The following CDH11 variants were observed in gnomAD, a reference collection of about 807,000 sequenced individuals.
The protein encoded by CDH11 is cadherin-11.
CDH11 carries 11 observed loss-of-function variants against 67.8 expected under a neutral mutation model. That is an observed-to-expected ratio of 0.16 (90% CI 0.10 to 0.27). The LOEUF (loss-of-function observed/expected upper bound fraction) is 0.27, where lower values mean the gene tolerates loss of function less well. Among genes scored for constraint, CDH11 ranks in the 10% least tolerant of loss-of-function variants. The probability of loss-of-function intolerance (pLI) is 1.00; values close to 1 mark genes in which losing one functional copy is unlikely to be tolerated. For synonymous variants in CDH11, 419 were observed against 400.0 expected (o/e 1.05, Z -0.57); for missense variants, 847 against 1,031.2 (o/e 0.82, Z 2.45).
chr16:64,970,302 T>C (rs577440440), intron 11 of CDH11, among the ~76,000 whole-genome samples: 2 of 152,280 alleles, frequency 1.3e-5, no homozygotes, highest in South Asian at 4.1e-4. Flanking sequence ...AATCAAATCA[T>C]AGACCCTCAA....
intron 2 of CDH11, among the ~76,000 whole-genome samples, chr16:65,016,394 G>A (rs945537491): frequency 3.3e-5 from 5 of 152,014 alleles, no homozygotes; most frequent in Non-Finnish European, 1.5e-5. Flanking sequence ...TAGTACAAAC[G>A]CAGAGCATTT....
At chr16:65,028,493 T>G (rs1261044263) in intron 2 of CDH11, among the ~76,000 whole-genome samples, 2 of 152,010 alleles carry the variant, frequency 1.3e-5, no homozygotes. Context: ...ATACTTGCCC[T>G]CTCCCCTCCA....
chr16:65,036,793 A>T (rs2073763735), intron 2 of CDH11, among the ~76,000 whole-genome samples: 1 of 152,184 alleles, frequency 6.6e-6, no homozygotes, highest in Non-Finnish European at 1.5e-5. Flanking sequence ...CCAATGGAAG[A>T]TACACTTTGA....
chr16:65,054,276 A>T (rs2074107954), intron 1 of CDH11, among the ~76,000 whole-genome samples: 1 of 152,192 alleles, frequency 6.6e-6, no homozygotes, highest in Admixed American at 6.5e-5. Flanking sequence ...GAAAACTTAG[A>T]GCCCATTTCT....
chr16:64,971,923 A>G lies in CDH11; in HGVS notation c.1524+8T>C. On this transcript the variant is annotated splice_region_variant and intron_variant, in intron 10 of 12. Transcript: ENST00000268603. ...GTTCCTAGCCAAGAATAGGGAAAGC[A>G]GGATTACCTGGTTGGAAAGTGGCTT... 1 of 1,613,752 alleles carries G rather than the reference A, an allele frequency of 6.2e-7. No homozygotes were observed. Among genetic ancestry groups the G allele is most frequent in the Non-Finnish European group, 8.5e-7 (1 of 1,179,766 alleles).
At chr16:65,042,491 C>T (rs934454974) in intron 2 of CDH11, among the ~76,000 whole-genome samples, 4 of 152,100 alleles carry the variant, frequency 2.6e-5, no homozygotes, top group African/African-American at 7.2e-5. Flanking sequence ...TTAGAAAGGG[C>T]TGGGTCTGCT....
intron 12 of CDH11, among the ~76,000 whole-genome samples, chr16:64,950,135 G>A (rs529881189): frequency 6.6e-6 from 1 of 152,232 alleles, no homozygotes; most frequent in South Asian, 2.1e-4. Flanking sequence ...ACCAGCACAT[G>A]GCTTTTCTAC....
Position 65,004,997 on chromosome 16 carries a change from G to A in CDH11, c.-128C>T. 1 of 1,417,344 alleles carries A rather than the reference G, an allele frequency of 7.1e-7. No individual in the cohort carries two copies. Among genetic ancestry groups the A allele is most frequent in the African/African-American group, 1.5e-5 (1 of 68,608 alleles). The allele number at this position is 1,417,344 out of a possible 1,614,324, so 87.8% of individuals were successfully genotyped here. A position where few individuals can be genotyped will look rare whatever the true frequency, so the allele number is the denominator to read the frequency against. On this transcript the variant is annotated 5_prime_UTR_variant, in exon 3 of 13. Transcript: ENST00000268603. ...TCTCTTGGGATGGAATGTCTCTGCT[G>A]GTTGAGCTCATCACGTCAGGGCTGC...
At chr16:65,029,893 T>G (rs966841180) in intron 2 of CDH11, among the ~76,000 whole-genome samples, 9 of 152,326 alleles carry the variant, frequency 5.9e-5, no homozygotes, top group Admixed American at 5.9e-4. Context: ...TCAAATTGCC[T>G]ATGTCACGAG....
chr16:65,033,218 C>A (rs1473413818), intron 2 of CDH11, among the ~76,000 whole-genome samples: 2 of 143,358 alleles, frequency 1.4e-5, no homozygotes, highest in Admixed American at 1.4e-4. Flanking sequence ...GCGATGACAC[C>A]CCACAAGTAA....
At chr16:65,080,424 G>C (rs866207296) in intron 1 of CDH11, among the ~76,000 whole-genome samples, 3 of 152,126 alleles carry the variant, frequency 2.0e-5, no homozygotes, top group African/African-American at 7.2e-5. Flanking sequence ...TTATTTTCCA[G>C]AAGAGATGTT....
At chr16:65,102,507 C>G (rs1281453416) in intron 1 of CDH11, among the ~76,000 whole-genome samples, 2 of 152,208 alleles carry the variant, frequency 1.3e-5, no homozygotes, top group Non-Finnish European at 2.9e-5. Flanking sequence ...TACATTAACT[C>G]TGGACTTGCC....
chr16:64,971,987 C>T lies in CDH11; in HGVS notation c.1468G>A (p.Ala490Thr). The part of the protein sequence containing the change: ...DVNDNAPKFA[A>T]PYEGFICESD... ...TCACAGATGAAACCTTCATAAGGGG[C>T]AGCAAACTTGGGAGCATTATCGTTG... Residue 490 changes from alanine (A) to threonine (T), a missense_variant, in exon 10 of 13, where the codon GCC becomes ACC. Ala to Thr is a moderately conservative substitution (Grantham distance 58). Coordinates refer to ENST00000268603, the MANE Select transcript of CDH11 (RefSeq NM_001797.4). 6.2e-7 allele frequency: 1 copy of T among 1,613,882 alleles called. No individual in the cohort carries two copies. Among genetic ancestry groups the T allele is most frequent in the Non-Finnish European group, 8.5e-7 (1 of 1,179,820 alleles).
chr16:65,115,915 TGA>T (rs1477076887), intron 1 of CDH11, among the ~76,000 whole-genome samples: 2 of 151,938 alleles, frequency 1.3e-5, no homozygotes, highest in Non-Finnish European at 2.9e-5. Context: ...CACTCCAGAG[TGA>T]GACTCTGTCT....
chr16:64,965,541 ATGG>A (rs1418713946), intron 11 of CDH11, among the ~76,000 whole-genome samples: 1 of 152,124 alleles, frequency 6.6e-6, no homozygotes, highest in Non-Finnish European at 1.5e-5. Flanking sequence ...GTTGTCTTCT[ATGG>A]TAACAATGCC....
At chr16:64,975,387 T>C (rs2072135494) in intron 8 of CDH11, among the ~76,000 whole-genome samples, 1 of 152,116 alleles carries the variant, frequency 6.6e-6, no homozygotes, top group African/African-American at 2.4e-5. Context: ...TAACGCATGA[T>C]GGGCAAGATG....
At chr16:65,087,441 G>A (rs1332931430) in intron 1 of CDH11, among the ~76,000 whole-genome samples, 2 of 152,144 alleles carry the variant, frequency 1.3e-5, no homozygotes, top group Non-Finnish European at 2.9e-5. Context: ...AAGGTATCAA[G>A]CAATAAGTAC....
intron 1 of CDH11, among the ~76,000 whole-genome samples, chr16:65,116,855 T>A (rs1326858417): frequency 6.6e-6 from 1 of 152,132 alleles, no homozygotes; most frequent in African/African-American, 2.4e-5. Context: ...CTCCTTTCCC[T>A]CTCTTCTCTC....
At chr16:64,998,097 G>A (rs922769863) in intron 4 of CDH11, among the ~76,000 whole-genome samples, 6 of 152,162 alleles carry the variant, frequency 3.9e-5, no homozygotes, top group Non-Finnish European at 7.3e-5. Context: ...TCTGAACATA[G>A]TGACATAGTG....
Sources: allele counts gnomAD v4.1 joint callset (sites outside exome capture counted in the v4.1 genomes callset), GRCh38; gene constraint gnomAD v4.1.1; transcripts MANE v1.5; gene names NCBI Gene and HGNC (gene_info 2026-07-23, HGNC 2026-07-21).